The following DNAH8 variants were observed in gnomAD, a reference collection of about 807,000 sequenced individuals.
The protein encoded by DNAH8 is dynein axonemal heavy chain 8.
In DNAH8, 382 loss-of-function variants were observed where a neutral mutation model predicts 562.1. The observed-to-expected ratio is 0.68, with a 90% CI of 0.63 to 0.74. The LOEUF is 0.74. Ranked by LOEUF, DNAH8 falls within the 30% of genes least tolerant of loss-of-function variation. The pLI is 0.00. For synonymous variants in DNAH8, 1,881 were observed against 1,919.4 expected (o/e 0.98, Z 0.52); for missense variants, 5,203 against 5,620.4 (o/e 0.93, Z 2.37).
chr6:38,979,489 A>G (rs892413684), intron 85 of DNAH8, among the ~76,000 whole-genome samples: 6 of 152,192 alleles, frequency 3.9e-5, no homozygotes, highest in African/African-American at 1.4e-4. Flanking sequence ...GTCTATCCTG[A>G]TAGTATTCCA....
In DNAH8 at chr6:38,815,457, T is replaced by G; in HGVS notation, c.3334-11T>G. ...CCGGCAGTATTACACATTTGTTTCT[T>G]CTTTCCACAGGTGATGATTCCTAGT... On this transcript the variant is annotated splice_polypyrimidine_tract_variant and intron_variant, in intron 25 of 92. Coordinates refer to ENST00000327475, the MANE Select transcript of DNAH8 (RefSeq NM_001206927.2). 6.2e-7 allele frequency: 1 copy of G among 1,607,764 alleles called. No individual in the cohort carries two copies. The highest frequency in any genetic ancestry group is 8.5e-7 in the Non-Finnish European group (1 of 1,174,764).
chr6:38,779,823 C>A, intron 14 of DNAH8, 143 bp from the exon 15 acceptor site: 1 of 793,706 alleles, frequency 1.3e-6, no homozygotes, highest in Non-Finnish European at 2.1e-6. Flanking sequence ...TACCTCCTAT[C>A]TCGTTCATTG....
At chr6:38,828,123 C>A in intron 29 of DNAH8, 61 bp from the exon 30 acceptor site, 1 of 1,077,850 alleles carries the variant, frequency 9.3e-7, no homozygotes, top group Non-Finnish European at 1.4e-6. Flanking sequence ...TAGAAGGCGT[C>A]TAAATCATTT....
At chr6:38,818,260 ATTATTCT>A in intron 26 of DNAH8, among the ~76,000 whole-genome samples, 1 of 152,162 alleles carries the variant, frequency 6.6e-6, no homozygotes, top group South Asian at 2.1e-4. Flanking sequence ...AATGTTTGCC[ATTATTCT>A]TTATTCTCTC....
intron 52 of DNAH8, among the ~76,000 whole-genome samples, chr6:38,873,768 A>ACC (rs869092360): frequency 3.9e-5 from 2 of 51,220 alleles, no homozygotes; most frequent in Non-Finnish European, 8.4e-5. Flanking sequence ...ACACACACAC[A>ACC]CCCCTGCACT....
In DNAH8 at chr6:38,850,303, G is replaced by A. The variant is rs756837520; in HGVS notation, c.5252G>A (p.Arg1751Gln). ...AAGTCTTGGATAAAAATAATGCAGC[G>A]AGCTCATGAGAATCCCAATGTGATT... ...IDKSWIKIMQRAHENPNVINC... is the reference protein window; with the variant it reads ...IDKSWIKIMQQAHENPNVINC... Residue 1751 changes from arginine (R) to glutamine (Q), a missense_variant, in exon 38 of 93, where the codon CGA becomes CAA. Arg to Gln is a conservative substitution (Grantham distance 43, BLOSUM62 1). Around this residue, in one of 6 missense-constraint regions of DNAH8, gnomAD observed 2,176 missense variants for 2,365.1 expected, o/e 0.92. Transcript: ENST00000327475. 9 of 1,613,472 alleles carry A rather than the reference G, an allele frequency of 5.6e-6. No homozygotes were observed. The highest frequency in any genetic ancestry group is 2.2e-5 in the East Asian group (1 of 44,814).
chr6:38,994,977 C>T (rs1765041856), intron 88 of DNAH8, among the ~76,000 whole-genome samples: 1 of 151,340 alleles, frequency 6.6e-6, no homozygotes, highest in Admixed American at 6.6e-5. Flanking sequence ...GTTTTCCTTT[C>T]TATTTTGTAG....
At chr6:38,934,078 C>T (rs148006394) in intron 76 of DNAH8, among the ~76,000 whole-genome samples, 109 of 152,248 alleles carry the variant, frequency 7.2e-4, no homozygotes, top group Middle Eastern at 3.4e-3. Flanking sequence ...AGAGGCCAGG[C>T]GTGGTGGCTC....
At chr6:38,958,015 G>GT (rs199883786) in intron 82 of DNAH8, among the ~76,000 whole-genome samples, 2,200 of 149,870 alleles carry the variant, frequency 0.015, 25 homozygotes, top group Non-Finnish European at 0.022. Flanking sequence ...GTTTTGTTTT[G>GT]TTTTTTTTTA....
chr6:38,770,053 T>A (rs2127620668), intron 11 of DNAH8, among the ~76,000 whole-genome samples: 1 of 152,244 alleles, frequency 6.6e-6, no homozygotes, highest in East Asian at 1.9e-4. Context: ...TAGCTTCGTA[T>A]GACAGAAACT....
intron 53 of DNAH8, among the ~76,000 whole-genome samples, chr6:38,879,809 T>C (rs539238625): frequency 1.3e-5 from 2 of 152,310 alleles, no homozygotes; most frequent in South Asian, 4.1e-4. Flanking sequence ...CTGTGGAATC[T>C]TCAAAAAGTT....
At chr6:38,829,917 A>G (rs1773686325) in intron 30 of DNAH8, among the ~76,000 whole-genome samples, 1 of 152,112 alleles carries the variant, frequency 6.6e-6, no homozygotes, top group Non-Finnish European at 1.5e-5. Context: ...ATTTTCCCCT[A>G]CCATTTCTAG....
chr6:38,971,429 C>T (rs766348269), intron 82 of DNAH8, among the ~76,000 whole-genome samples, 163 bp from the exon 83 acceptor site: 43 of 151,774 alleles, frequency 2.8e-4, no homozygotes, highest in Non-Finnish European at 4.6e-4. Flanking sequence ...ATGCATTTCT[C>T]TGATCCACAC....
At chr6:38,939,093 T>C in intron 79 of DNAH8, 105 bp downstream of exon 79, 1 of 882,370 alleles carries the variant, frequency 1.1e-6, no homozygotes. Context: ...GAAATGATGT[T>C]CTAACGAAAG....
At chr6:38,962,096 T>C (rs140893616) in intron 82 of DNAH8, among the ~76,000 whole-genome samples, 8 of 152,150 alleles carry the variant, frequency 5.3e-5, no homozygotes, top group Admixed American at 4.6e-4. Context: ...ATTTTTAAAA[T>C]ACTCATTTAA....
At position 38,937,976 on chromosome 6, in the gene DNAH8, T is replaced by A. The variant is rs977966788; in HGVS notation, c.11566T>A (p.Ser3856Thr). 6.2e-7 allele frequency: 1 copy of A among 1,613,706 alleles called. No homozygotes were observed. Among genetic ancestry groups the A allele is most frequent in the Non-Finnish European group, 8.5e-7 (1 of 1,179,762 alleles). ...GGTTTTCCTGTTTTGAATTTCAGGC[T>A]CATTGGTAGATGACGAATCTCTCAT... Reference protein sequence around the residue: ...LLYKLSATKGSLVDDESLIGV... With the variant: ...LLYKLSATKGTLVDDESLIGV... The change falls in exon 78 of 93, where the codon TCA becomes ACA. Residue 3856 changes from serine (S) to threonine (T), a missense_variant and splice_region_variant. Transcript: ENST00000327475.
intron 86 of DNAH8, among the ~76,000 whole-genome samples, chr6:38,983,376 TA>T (rs1217955421): frequency 6.6e-6 from 1 of 152,224 alleles, no homozygotes; most frequent in African/African-American, 2.4e-5. Flanking sequence ...GTGTTTACTC[TA>T]GTACCAAACC....
At chr6:38,854,946 G>A (rs1265903272) in intron 41 of DNAH8, among the ~76,000 whole-genome samples, 2 of 147,630 alleles carry the variant, frequency 1.4e-5, no homozygotes, top group Non-Finnish European at 3.0e-5. Context: ...ATTTTACAAA[G>A]TATTTTATAC....
intron 76 of DNAH8, 45 bp downstream of exon 76, chr6:38,932,038 C>A (rs1782586438): frequency 4.6e-6 from 6 of 1,318,292 alleles, no homozygotes; most frequent in South Asian, 4.0e-5. Flanking sequence ...ATAATACATG[C>A]TTAAAATGTA....
Sources: allele counts gnomAD v4.1 joint callset (sites outside exome capture counted in the v4.1 genomes callset), GRCh38; gene constraint gnomAD v4.1.1; regional missense constraint gnomAD v4.1.1; transcripts MANE v1.5; gene names NCBI Gene and HGNC (gene_info 2026-07-23, HGNC 2026-07-21).